The following CELA1 variants were observed in gnomAD, a reference collection of about 807,000 sequenced individuals.
CELA1 encodes the protein chymotrypsin like elastase 1.
A neutral mutation model predicts 34.8 loss-of-function variants in CELA1; 28 were observed. The ratio of observed to expected loss-of-function variants is 0.80; its 90% CI spans 0.60 to 1.10. The LOEUF is 1.10. Among genes scored for constraint, CELA1 ranks in the 50% least tolerant of loss-of-function variants. The pLI, the probability that CELA1 is intolerant of heterozygous loss-of-function variation, is 0.00. For synonymous variants in CELA1, 140 were observed against 129.8 expected (o/e 1.08, Z -0.53); for missense variants, 288 against 327.5 (o/e 0.88, Z 0.93).
intron 1 of CELA1, 95 bp downstream of exon 1, chr12:51,346,528 A>C: frequency 8.1e-7 from 1 of 1,234,930 alleles, no homozygotes; most frequent in Non-Finnish European, 1.2e-6. Flanking sequence ...AAATTTGCTG[A>C]CCTTCCTGCC....
intron 6 of CELA1, among the ~76,000 whole-genome samples, chr12:51,330,859 A>G (rs1048905400): frequency 6.7e-6 from 1 of 150,270 alleles, no homozygotes; most frequent in Non-Finnish European, 1.5e-5. Flanking sequence ...AGTCCCAGCT[A>G]CTCGGGAGGC....
chr12:51,328,573 AT>A lies in CELA1; in HGVS notation c.*3del, dbSNP rs1345733171. On this transcript the variant is annotated 3_prime_UTR_variant, in exon 8 of 8. Coordinates refer to ENST00000293636, the MANE Select transcript of CELA1 (RefSeq NM_001971.6). The stretch of plus-strand genomic sequence containing the variant: ...TGGGAAGGTCGTTGGACTCAGGAAA[AT>A]GTTCAGTTGGAGGCGATGACCTGAA... The A allele has an allele frequency of 3.4e-5, 55 of 1,614,024 alleles. No homozygotes were observed. The highest frequency in any genetic ancestry group is 4.6e-5 in the Non-Finnish European group (54 of 1,179,986).
rs538972113 is a variant in CELA1, at chr12:51,340,322, G to A, written c.464-317C>T. On this transcript the variant is annotated intron_variant, in intron 5 of 7. Coordinates refer to ENST00000293636, the MANE Select transcript of CELA1 (RefSeq NM_001971.6). ...TGTGGATGATTTATCTGTCTGTTCT[G>A]TTTGCTCCTGCAAGCTCCATGGAGC... 1.7e-4 allele frequency among the ~76,000 whole-genome samples: 26 copies of A among 151,390 alleles called. No homozygotes were observed. The South Asian group carries it at 5.4e-3, about 32-fold the overall frequency.
chr12:51,335,935 C>T (rs1000034879), intron 6 of CELA1, among the ~76,000 whole-genome samples: 2 of 152,138 alleles, frequency 1.3e-5, no homozygotes, highest in African/African-American at 4.8e-5. Context: ...CTACACCCGG[C>T]TGGTTATATG....
intron 6 of CELA1, 152 bp downstream of exon 6, chr12:51,339,708 C>T: frequency 1.6e-6 from 1 of 642,930 alleles, no homozygotes; most frequent in Admixed American, 3.2e-5. Flanking sequence ...GTAGAATTAC[C>T]AGCACAGGAT....
intron 1 of CELA1, 111 bp from the exon 2 acceptor site, chr12:51,345,988 A>G (rs1946563264): frequency 1.4e-5 from 10 of 721,790 alleles, no homozygotes; most frequent in Admixed American, 2.6e-5. Flanking sequence ...CTGCAAATTC[A>G]CAGTTCCTCT....
At chr12:51,331,375 C>G (rs950338448) in intron 6 of CELA1, among the ~76,000 whole-genome samples, 1 of 152,076 alleles carries the variant, frequency 6.6e-6, no homozygotes, top group African/African-American at 2.4e-5. Flanking sequence ...GGCGACAGAG[C>G]GAGACTCCGT....
At chr12:51,342,792 T>A (rs17860306) in intron 3 of CELA1, 92 bp from the exon 4 acceptor site, 56,506 of 1,385,698 alleles carry the variant, frequency 0.041, 1,380 homozygotes, top group Non-Finnish European at 0.048. Context: ...TCTTTTTTTT[T>A]AATCATTATT....
chr12:51,342,741 C>G, intron 3 of CELA1, 41 bp from the exon 4 acceptor site: 1 of 1,608,296 alleles, frequency 6.2e-7, no homozygotes, highest in Non-Finnish European at 8.5e-7. Flanking sequence ...CCAGGGGACT[C>G]AAACCTTCTC....
chr12:51,329,770 T>A lies in CELA1; in HGVS notation c.673A>T (p.Ser225Cys). ...TTACAGCCCCGGCTGGACACAAAGCTGGTCACTCCATGGACAGAATACTTG... is the reference window on the plus strand; with the variant it reads ...TTACAGCCCCGGCTGGACACAAAGCAGGTCACTCCATGGACAGAATACTTG... ...NGKYSVHGVT[S>C]FVSSRGCNVS... Residue 225 changes from serine to cysteine, a missense_variant, in exon 7 of 8, where the codon AGC (serine) becomes TGC (cysteine). By Grantham distance (112) the Ser-to-Cys change is moderately radical (BLOSUM62 -1). Transcript: ENST00000293636. 6.2e-7 allele frequency: 1 copy of A among 1,614,048 alleles called. No individual in the cohort carries two copies. The highest frequency in any genetic ancestry group is 8.5e-7 in the Non-Finnish European group (1 of 1,179,986).
chr12:51,334,101 T>TG (rs1216972288), intron 6 of CELA1, among the ~76,000 whole-genome samples: 2 of 152,150 alleles, frequency 1.3e-5, no homozygotes, highest in African/African-American at 2.4e-5. Context: ...GGGAGGGACC[T>TG]GGGGACACAA....
At chr12:51,330,734 G>A (rs1033574417) in intron 6 of CELA1, among the ~76,000 whole-genome samples, 1 of 152,200 alleles carries the variant, frequency 6.6e-6, no homozygotes, top group African/African-American at 2.4e-5. Flanking sequence ...ACTTTGGGAG[G>A]CTGAGGCGGG....
At position 51,333,405 on chromosome 12, in the gene CELA1, G is replaced by GTT. The variant is rs35636954; in HGVS notation, c.610-3574_610-3573dup. 1.8e-3 allele frequency among the ~76,000 whole-genome samples: 252 copies of GTT among 137,908 alleles called. 1 individual carries two copies. The highest frequency in any genetic ancestry group is 0.018 in the South Asian group (76 of 4,310). The allele number at this position is 137,908 out of a possible 152,430, so 90.5% of individuals were successfully genotyped here. A position where few individuals can be genotyped will look rare whatever the true frequency, so the allele number is the denominator to read the frequency against. On this transcript the variant is annotated intron_variant, in intron 6 of 7. Transcript: ENST00000293636. ...CACTGAGCCCGACTGTTTTTTTTTT[G>GTT]TTTTTTTTTTTTTAAGACAGAGCCT...
At chr12:51,344,742 C>T (rs888653866) in intron 2 of CELA1, among the ~76,000 whole-genome samples, 5 of 152,200 alleles carry the variant, frequency 3.3e-5, no homozygotes, top group African/African-American at 1.2e-4. Flanking sequence ...TGCTCCATCA[C>T]CTAAGCCCAA....
rs756489820 is a variant in CELA1 at position 51,339,967 on chromosome 12, G to C, written c.502C>G (p.Leu168Val). 4 of 1,614,098 alleles carry C rather than the reference G, an allele frequency of 2.5e-6. No homozygotes were observed. The highest frequency in any genetic ancestry group is 1.7e-5 in the Admixed American group (1 of 60,020). ...CAGATGGCGTAGTCCACAGAGGGCA[G>C]GTAAGCCTGCTGCAGGGTCTGGGCC... is the stretch of plus-strand genomic sequence containing the variant. ...QLAQTLQQAYLPSVDYAICSS... is the reference protein window; with the variant it reads ...QLAQTLQQAYVPSVDYAICSS... The change falls in exon 6 of 8, where the codon CTG (leucine) becomes GTG (valine). Residue 168 changes from leucine to valine, a missense_variant. Transcript: ENST00000293636.
rs560231494 is a variant in CELA1, at chr12:51,341,471, C to T, written c.327-91G>A. On this transcript the variant is annotated intron_variant, in intron 4 of 7. Coordinates refer to ENST00000293636, the MANE Select transcript of CELA1 (RefSeq NM_001971.6). ...GGCCCTCTCTAAGCATTTGTATCCC[C>T]GTGGAATTGGAAAGTGACGACTTTG... 330 of 1,444,502 alleles carry T rather than the reference C, an allele frequency of 2.3e-4. 2 individuals carry two copies. In the African/African-American group the frequency reaches 3.1e-3, roughly 14 times the overall value. 89.5% of individuals were successfully genotyped at this position (1,444,502 alleles called of 1,614,324 possible).
rs143341978 is a variant in CELA1 at position 51,339,345 on chromosome 12, G to A, written c.609+515C>T. Among the ~76,000 whole-genome samples, 1,109 of 152,344 alleles carry A rather than the reference G, an allele frequency of 7.3e-3. 13 individuals carry two copies. Among genetic ancestry groups the A allele is most frequent in the African/African-American group, 0.025 (1,047 of 41,580 alleles). On this transcript the variant is annotated intron_variant, in intron 6 of 7. Coordinates refer to ENST00000293636, the MANE Select transcript of CELA1 (RefSeq NM_001971.6). ...GCGGGTGGATCACCTGAGGTCGGGAGTTCGAGATCAGCCTGAGCAACATGG... is the reference window on the plus strand; with the variant it reads ...GCGGGTGGATCACCTGAGGTCGGGAATTCGAGATCAGCCTGAGCAACATGG...
At chr12:51,345,660 C>A (rs1946561232) in intron 2 of CELA1, 135 bp downstream of exon 2, 1 of 743,740 alleles carries the variant, frequency 1.3e-6, no homozygotes, top group Non-Finnish European at 2.4e-6. Context: ...TGATCCCATC[C>A]ATCTTTAAAA....
intron 6 of CELA1, among the ~76,000 whole-genome samples, chr12:51,330,414 C>G (rs986127871): frequency 1.3e-5 from 2 of 152,200 alleles, no homozygotes; most frequent in African/African-American, 4.8e-5. Context: ...TACTCAGCTT[C>G]TAGAATGCCA....
Sources: allele counts gnomAD v4.1 joint callset (sites outside exome capture counted in the v4.1 genomes callset), GRCh38; gene constraint gnomAD v4.1.1; transcripts MANE v1.5; gene names NCBI Gene and HGNC (gene_info 2026-07-23, HGNC 2026-07-21).